ADGRL3: variants seen among roughly 807,000 people sequenced by gnomAD.
ADGRL3 encodes the protein calcium-independent alpha-latrotoxin receptor 3.
A neutral mutation model predicts 153.5 loss-of-function variants in ADGRL3; 62 were observed. The observed-to-expected ratio is 0.40, with a 90% confidence interval of 0.33 to 0.50. The LOEUF is 0.50. ADGRL3 is among the 20% of genes least tolerant of loss of function. The pLI, the probability that ADGRL3 is intolerant of heterozygous loss-of-function variation, is 0.47. For missense variants in ADGRL3, 1,641 were observed against 1,859.4 expected (o/e 0.88, Z 2.16); for synonymous variants, 710 against 672.5 (o/e 1.06, Z -0.86).
intron 9 of ADGRL3, among the ~76,000 whole-genome samples, chr4:61,885,391 C>G (rs1441260983): frequency 6.6e-6 from 1 of 152,168 alleles, no homozygotes; most frequent in African/African-American, 2.4e-5. Context: ...CCATGTTGTT[C>G]CATTGTTCTA....
At chr4:61,856,267 A>C (rs76067007) in intron 9 of ADGRL3, among the ~76,000 whole-genome samples, 10,575 of 151,364 alleles carry the variant, frequency 0.07, 711 homozygotes, top group African/African-American at 0.17. Flanking sequence ...ATTTTTCTTT[A>C]TTTCTTTCTT....
intron 2 of ADGRL3, among the ~76,000 whole-genome samples, chr4:61,457,910 G>A (rs995119346): frequency 2.0e-5 from 3 of 146,838 alleles, no homozygotes; most frequent in Non-Finnish European, 4.6e-5. Context: ...AGATGCAGCC[G>A]TTTGGCCTGG....
At chr4:61,924,325 C>A (rs2098784692) in intron 13 of ADGRL3, among the ~76,000 whole-genome samples, 2 of 152,056 alleles carry the variant, frequency 1.3e-5, no homozygotes, top group Non-Finnish European at 2.9e-5. Flanking sequence ...TTGGAGTGCC[C>A]CCTAGCACAA....
At chr4:61,751,601 G>A (rs1287627624) in intron 8 of ADGRL3, among the ~76,000 whole-genome samples, 5 of 152,082 alleles carry the variant, frequency 3.3e-5, no homozygotes, top group African/African-American at 9.7e-5. Context: ...GTATGTGTGT[G>A]CATTTAGACA....
At chr4:61,440,678 G>C (rs1260324165) in intron 2 of ADGRL3, among the ~76,000 whole-genome samples, 1 of 24,004 alleles carries the variant, frequency 4.2e-5, no homozygotes, top group East Asian at 4.0e-3. Flanking sequence ...GAATGCACAT[G>C]ATACATCACA....
chr4:61,694,110 C>T (rs2095589932), intron 6 of ADGRL3, among the ~76,000 whole-genome samples: 1 of 150,144 alleles, frequency 6.7e-6, no homozygotes, highest in African/African-American at 2.5e-5. Flanking sequence ...ATTTTATCTG[C>T]AACTCAGGCA....
chr4:61,307,595 G>A (rs1411039412), intron 1 of ADGRL3, among the ~76,000 whole-genome samples: 5 of 152,008 alleles, frequency 3.3e-5, no homozygotes, highest in Non-Finnish European at 5.9e-5. Flanking sequence ...TGACAGATAC[G>A]TTTGTGAATT....
At chr4:61,553,186 T>G (rs906282018) in intron 4 of ADGRL3, among the ~76,000 whole-genome samples, 1 of 152,230 alleles carries the variant, frequency 6.6e-6, no homozygotes, top group East Asian at 1.9e-4. Flanking sequence ...TCAAACTTTA[T>G]ATAAATGTGC....
At chr4:61,526,035 G>A (rs576978631) in intron 4 of ADGRL3, among the ~76,000 whole-genome samples, 5 of 152,206 alleles carry the variant, frequency 3.3e-5, no homozygotes, top group Non-Finnish European at 4.4e-5. Context: ...TGCTGGGGAC[G>A]CACTTACCTT....
rs141957703 is a variant in ADGRL3, at chr4:61,448,466, G to A, written c.-173-48655G>A. 2.7e-3 allele frequency among the ~76,000 whole-genome samples: 404 copies of A among 152,146 alleles called. 1 individual carries two copies. Among genetic ancestry groups the A allele is most frequent in the African/African-American group, 9.3e-3 (386 of 41,514 alleles). ...TTTGGGTTAGTTACTTTACCTATCT[G>A]TGCCCTAGTTTTTGTCTTTATTTAT... On this transcript the variant is annotated intron_variant, in intron 2 of 26. Transcript: ENST00000683033.
At chr4:61,553,455 C>A (rs1487763433) in intron 4 of ADGRL3, among the ~76,000 whole-genome samples, 3 of 152,258 alleles carry the variant, frequency 2.0e-5, no homozygotes, top group African/African-American at 7.2e-5. Flanking sequence ...ATTATTCTCT[C>A]ACAAACATAC....
intron 9 of ADGRL3, among the ~76,000 whole-genome samples, chr4:61,866,694 T>A (rs1463113484): frequency 1.3e-5 from 2 of 152,172 alleles, no homozygotes; most frequent in Non-Finnish European, 2.9e-5. Flanking sequence ...GAACTCCTCA[T>A]ACAGCCAGTG....
At chr4:61,416,421 T>C (rs1197706595) in intron 2 of ADGRL3, among the ~76,000 whole-genome samples, 3 of 152,112 alleles carry the variant, frequency 2.0e-5, no homozygotes, top group Non-Finnish European at 4.4e-5. Flanking sequence ...CATTGAAAAT[T>C]TCACAGATTT....
intron 9 of ADGRL3, among the ~76,000 whole-genome samples, chr4:61,841,245 A>G (rs562953249): frequency 1.3e-5 from 2 of 152,206 alleles, no homozygotes; most frequent in African/African-American, 4.8e-5. Context: ...AAGGAAAGAA[A>G]ATCCTTAGGC....
chr4:61,518,333 A>C (rs2098510079), intron 4 of ADGRL3, among the ~76,000 whole-genome samples: 1 of 152,218 alleles, frequency 6.6e-6, no homozygotes, highest in Non-Finnish European at 1.5e-5. Context: ...TGGAACTATG[A>C]ATATCAAATC....
intron 8 of ADGRL3, among the ~76,000 whole-genome samples, chr4:61,802,846 G>C (rs1309049633): frequency 6.6e-6 from 1 of 151,948 alleles, no homozygotes; most frequent in Non-Finnish European, 1.5e-5. Context: ...GATGTCCTTG[G>C]TGTCATTTTT....
intron 20 of ADGRL3, among the ~76,000 whole-genome samples, chr4:61,997,487 T>C (rs1029625132): frequency 6.6e-6 from 1 of 151,652 alleles, no homozygotes; most frequent in Non-Finnish European, 1.5e-5. Flanking sequence ...ATTGCCAAGT[T>C]GTGGAATACA....
At chr4:61,675,247 G>T (rs1320316482) in intron 5 of ADGRL3, among the ~76,000 whole-genome samples, 3 of 151,746 alleles carry the variant, frequency 2.0e-5, no homozygotes, top group Non-Finnish European at 4.4e-5. Context: ...AGTATTCTGA[G>T]GTCACATCAG....
rs144421262 is a variant in ADGRL3 at position 61,239,415 on chromosome 4, G to A, written c.-240+37650G>A. Among the ~76,000 whole-genome samples, 428 of 152,144 alleles carry A rather than the reference G, an allele frequency of 2.8e-3. 2 individuals carry two copies. The highest frequency in any genetic ancestry group is 4.7e-3 in the Non-Finnish European group (323 of 68,002). ...GATCCCTAGTGCCTGGAGAGACTTC[G>A]TCCTATATAGAATTCCCCCTCCCCA... On this transcript the variant is annotated intron_variant, in intron 1 of 26. Coordinates refer to ENST00000683033, the MANE Select transcript of ADGRL3 (RefSeq NM_001387552.1).
Sources: allele counts gnomAD v4.1 joint callset (sites outside exome capture counted in the v4.1 genomes callset), GRCh38; gene constraint gnomAD v4.1.1; transcripts MANE v1.5; gene names NCBI Gene and HGNC (gene_info 2026-07-23, HGNC 2026-07-21).